The following CFAP20DC variants were observed in gnomAD, a reference collection of about 807,000 sequenced individuals.
The protein encoded by CFAP20DC is CFAP20 domain containing, also known as protein CFAP20DC.
In CFAP20DC, 84 loss-of-function variants were observed where a neutral mutation model predicts 101.7. The observed-to-expected ratio is 0.83, with a 90% CI of 0.69 to 0.99. CFAP20DC has a LOEUF of 0.99. CFAP20DC is among the 50% of genes least tolerant of loss of function. The pLI, the probability that CFAP20DC is intolerant of heterozygous loss-of-function variation, is 0.00. For missense variants in CFAP20DC, 1,007 were observed against 970.3 expected (o/e 1.04, Z -0.50); for synonymous variants, 359 against 351.2 (o/e 1.02, Z -0.25).
Position 58,869,538 on chromosome 3 carries a change from GT to G in CFAP20DC, c.853-49del. ...ATTTTAAAATATAGCAACTACATTT[GT>G]TTTCTGTAGAAGCTATATAGAAAAC... On this transcript the variant is annotated intron_variant, in intron 8 of 16. Coordinates refer to ENST00000482387, the MANE Select transcript of CFAP20DC (RefSeq NM_001394063.1). This position sits in a 1 kb window ranked among gnomAD's most constrained non-coding sequence, Gnocchi z 4.3. 2 of 1,403,042 alleles carry G rather than the reference GT, an allele frequency of 1.4e-6. No individual in the cohort carries two copies. The highest frequency in any genetic ancestry group is 4.5e-5 in the Admixed American group (2 of 44,164). The allele number at this position is 1,403,042 out of a possible 1,614,324, so 86.9% of individuals were successfully genotyped here.
chr3:58,972,012 G>A (rs775654675), intron 4 of CFAP20DC, among the ~76,000 whole-genome samples: 2 of 151,908 alleles, frequency 1.3e-5, no homozygotes, highest in Non-Finnish European at 2.9e-5. Context: ...ATTTTAAAAT[G>A]GCAGAGTTTT....
At position 58,750,368 on chromosome 3, in the gene CFAP20DC, C is replaced by T. The variant is rs1357012871; in HGVS notation, c.2332+3401G>A. On this transcript the variant is annotated intron_variant, in intron 16 of 16. Transcript: ENST00000482387. ...ATGGCTCAGCACATCACTGCACTGCCCTAAGTCCCAATGTAACCATGTGGA... is the reference window on the plus strand; with the variant it reads ...ATGGCTCAGCACATCACTGCACTGCTCTAAGTCCCAATGTAACCATGTGGA... Among the ~76,000 whole-genome samples the T allele has an allele frequency of 1.3e-5, 2 of 152,140 alleles. 1 individual carries two copies.
At chr3:58,979,196 A>G (rs1390016333) in intron 4 of CFAP20DC, among the ~76,000 whole-genome samples, 1 of 152,202 alleles carries the variant, frequency 6.6e-6, no homozygotes, top group Non-Finnish European at 1.5e-5. Flanking sequence ...TAAGCTAACA[A>G]CAGGCTTTGC....
chr3:58,961,727 GT>G (rs148888861), intron 4 of CFAP20DC, among the ~76,000 whole-genome samples: 22 of 146,324 alleles, frequency 1.5e-4, no homozygotes, highest in South Asian at 1.3e-3. Flanking sequence ...GAAATTTTCT[GT>G]TTTTTTTTTC....
chr3:58,814,426 A>G (rs1423385747), intron 14 of CFAP20DC, among the ~76,000 whole-genome samples: 1 of 151,508 alleles, frequency 6.6e-6, no homozygotes, highest in Non-Finnish European at 1.5e-5. Flanking sequence ...AACTGGAAGC[A>G]TTCCCTTTGA....
Position 58,913,534 on chromosome 3 carries a change from A to G in CFAP20DC, c.550+174T>C. 8 of 650,296 alleles carry G rather than the reference A, an allele frequency of 1.2e-5. No individual in the cohort carries two copies. The South Asian group carries it at 1.5e-4, about 12-fold the overall frequency. The allele number at this position is 650,296 out of a possible 1,614,324, so 40.3% of individuals were successfully genotyped here. A position where few individuals can be genotyped will look rare whatever the true frequency, so the allele number is the denominator to read the frequency against. On this transcript the variant is annotated intron_variant, in intron 6 of 16. Transcript: ENST00000482387. The surrounding 1 kb of genome is among the most constrained non-coding windows in gnomAD (Gnocchi z 4.4). ...AATACCTTTTTTGTGACATTCAGCT[A>G]TAGTAAAAATAAACATTTGATCTAG...
At chr3:59,011,190 T>C (rs980230739) in intron 4 of CFAP20DC, among the ~76,000 whole-genome samples, 6 of 152,102 alleles carry the variant, frequency 3.9e-5, no homozygotes, top group Non-Finnish European at 7.4e-5. Flanking sequence ...TTGAGGTCAG[T>C]AGCTCAAAAC....
chr3:58,999,133 T>C (rs1430446064), intron 4 of CFAP20DC, among the ~76,000 whole-genome samples: 1 of 152,202 alleles, frequency 6.6e-6, no homozygotes, highest in East Asian at 1.9e-4. Context: ...TTAAATGTGA[T>C]AGAGCTGCAG....
At chr3:58,776,081 A>T (rs6770295) in intron 15 of CFAP20DC, among the ~76,000 whole-genome samples, 18,158 of 152,054 alleles carry the variant, frequency 0.12, 1,952 homozygotes, top group East Asian at 0.35. Context: ...TTCTTTCCTA[A>T]GGGCAACTCA....
Position 58,955,457 on chromosome 3 carries a change from T to C in CFAP20DC, c.279-17695A>G, listed in dbSNP as rs1377173459. 4.6e-5 allele frequency among the ~76,000 whole-genome samples: 7 copies of C among 152,278 alleles called. No individual in the cohort carries two copies. The South Asian group carries it at 1.2e-3, about 27-fold the overall frequency. On this transcript the variant is annotated intron_variant, in intron 4 of 16. Coordinates refer to ENST00000482387, the MANE Select transcript of CFAP20DC (RefSeq NM_001394063.1). ...ATTTAACTCAGTGTTGCCTTTGTTA[T>C]AGAAGAAAGCAAAACCAGACCAAAC...
At chr3:58,935,856 G>A (rs1251324958) in intron 5 of CFAP20DC, among the ~76,000 whole-genome samples, 1 of 152,156 alleles carries the variant, frequency 6.6e-6, no homozygotes, top group African/African-American at 2.4e-5. Context: ...TCAGGACATA[G>A]GCATGGGCAA....
intron 4 of CFAP20DC, among the ~76,000 whole-genome samples, chr3:58,947,177 G>A (rs1435950158): frequency 1.3e-5 from 2 of 152,216 alleles, no homozygotes; most frequent in African/African-American, 4.8e-5. Flanking sequence ...GGGAAGGAAA[G>A]AGAGCAGCAG....
chr3:58,933,201 C>G (rs538827610), intron 5 of CFAP20DC, among the ~76,000 whole-genome samples: 62 of 152,158 alleles, frequency 4.1e-4, no homozygotes, highest in South Asian at 8.3e-4. Context: ...GTAAAGGGAT[C>G]AATTCAACAA....
At chr3:58,763,205 A>T (rs1207145741) in intron 15 of CFAP20DC, among the ~76,000 whole-genome samples, 1 of 152,160 alleles carries the variant, frequency 6.6e-6, no homozygotes, top group African/African-American at 2.4e-5. Context: ...CTTTTCACAT[A>T]GTCCCATATT....
At chr3:59,038,537 G>C (rs750521176) in intron 4 of CFAP20DC, among the ~76,000 whole-genome samples, 1 of 152,196 alleles carries the variant, frequency 6.6e-6, no homozygotes, top group Non-Finnish European at 1.5e-5. Context: ...TAGCAACCCT[G>C]TGTCAAGAAA....
chr3:58,834,015 AGATTAGCG>A (rs2076571508), intron 13 of CFAP20DC, among the ~76,000 whole-genome samples: 1 of 152,154 alleles, frequency 6.6e-6, no homozygotes, highest in Admixed American at 6.5e-5. Context: ...GACAGAAAAT[AGATTAGCG>A]GATGGTGGGG....
intron 4 of CFAP20DC, among the ~76,000 whole-genome samples, chr3:59,011,374 G>C (rs533882073): frequency 7.9e-4 from 120 of 151,052 alleles, no homozygotes; most frequent in Middle Eastern, 3.4e-3. Flanking sequence ...CTCCAGCCTG[G>C]GTGACAGAGC....
chr3:58,734,493 T>C (rs2067707089), intron 3 of CFAP20DC: 1 of 455,062 alleles, frequency 2.2e-6, no homozygotes, highest in East Asian at 6.9e-5. Flanking sequence ...TGCTTTTTCT[T>C]CGGTGGTCCA....
Position 58,973,868 on chromosome 3 carries a change from G to A in CFAP20DC, c.279-36106C>T, listed in dbSNP as rs550231254. Among the ~76,000 whole-genome samples the A allele has an allele frequency of 5.1e-4, 77 of 152,250 alleles. 1 individual carries two copies. The highest frequency in any genetic ancestry group is 1.8e-3 in the African/African-American group (76 of 41,544). On this transcript the variant is annotated intron_variant, in intron 4 of 16. Transcript: ENST00000482387. The stretch of plus-strand genomic sequence containing the variant: ...TGGATCCTTATAGAAAGGGTCATCA[G>A]TAGGAAGTCCAAAGCAAAAAAAGAG...
Sources: gnomAD v4.1 joint callset for allele counts (sites outside exome capture counted in the v4.1 genomes callset) on GRCh38, gnomAD v4.1.1 for gene constraint, Gnocchi (gnomAD v3.1) non-coding constraint, MANE v1.5 for transcripts, NCBI Gene and HGNC (gene_info 2026-07-23, HGNC 2026-07-21) for gene names.